Variants in SMIM35 observed in about 807,000 individuals in gnomAD.
SMIM35 encodes the protein TMPRSS4 antisense RNA 1 (non-protein coding).
chr11:118,043,278 ATT>A (rs35669917), intron 1 of SMIM35, among the ~76,000 whole-genome samples: 2,452 of 149,868 alleles, frequency 0.016, 23 homozygotes, highest in Non-Finnish European at 0.021. Context: ...TTGGTAAAAC[ATT>A]TTTTTTTTTT....
At chr11:118,069,610 G>C (rs1944538636) in intron 1 of SMIM35, among the ~76,000 whole-genome samples, 1 of 152,170 alleles carries the variant, frequency 6.6e-6, no homozygotes, top group Admixed American at 6.5e-5. Context: ...TACTGCCATG[G>C]CTTCAGCGTG....
chr11:118,080,821 C>G (rs138778962), intron 1 of SMIM35, among the ~76,000 whole-genome samples: 1 of 152,174 alleles, frequency 6.6e-6, no homozygotes, highest in Non-Finnish European at 1.5e-5. Context: ...AAAATCTCCA[C>G]GGCCTCAGAC....
chr11:118,025,500 G>T, intron 1 of SMIM35: 1 of 455,402 alleles, frequency 2.2e-6, no homozygotes, highest in Non-Finnish European at 4.4e-6. Context: ...GGCATGAGAT[G>T]GTATCTCACT....
intron 1 of SMIM35, among the ~76,000 whole-genome samples, chr11:118,083,897 C>T (rs957389069): frequency 2.0e-5 from 3 of 151,820 alleles, no homozygotes; most frequent in Admixed American, 6.6e-5. Context: ...ATTAGCTGGG[C>T]GGTGGTGGCA....
chr11:118,013,198 C>T (rs1042630831), intron 4 of SMIM35, among the ~76,000 whole-genome samples: 59 of 152,244 alleles, frequency 3.9e-4, no homozygotes, highest in Admixed American at 7.2e-4. Context: ...CTTGAAGATC[C>T]GAGGGGATGA....
At chr11:118,069,092 T>A (rs987486273) in intron 1 of SMIM35, among the ~76,000 whole-genome samples, 1 of 152,204 alleles carries the variant, frequency 6.6e-6, no homozygotes, top group Non-Finnish European at 1.5e-5. Context: ...CTATTCTGCA[T>A]CAGCAGCATC....
At chr11:118,067,860 C>CATATATAT (rs57497227) in intron 1 of SMIM35, among the ~76,000 whole-genome samples, 78 of 80,900 alleles carry the variant, frequency 9.6e-4, no homozygotes, top group South Asian at 1.6e-3. Context: ...CAACAACAAA[C>CATATATAT]ATATATATAT....
At chr11:118,047,159 C>T (rs1474006615) in intron 1 of SMIM35, among the ~76,000 whole-genome samples, 2 of 152,176 alleles carry the variant, frequency 1.3e-5, no homozygotes, top group Non-Finnish European at 2.9e-5. Context: ...AAATGACACA[C>T]ACTTTGTCCT....
intron 2 of SMIM35, among the ~76,000 whole-genome samples, chr11:118,015,373 C>A (rs1268000223): frequency 6.6e-6 from 1 of 152,162 alleles, no homozygotes; most frequent in Non-Finnish European, 1.5e-5. Context: ...TGGAGCTTGG[C>A]CTGTCTAGCC....
rs2058162005 is a variant in SMIM35 at position 118,013,765 on chromosome 11, A to G, written c.*16T>C. On this transcript the variant is annotated 3_prime_UTR_variant, in exon 4 of 5. Coordinates refer to ENST00000689828, the MANE Select transcript of SMIM35 (RefSeq NM_001394165.1). Reference sequence around the variant, plus strand: ...CAACTCACCTCCCCAGGGCTTCACAAGTTGCTGTCTCTGCATCAGACTAGC... The same window carrying G: ...CAACTCACCTCCCCAGGGCTTCACAGGTTGCTGTCTCTGCATCAGACTAGC... The G allele has an allele frequency of 1.0e-5, 4 of 399,000 alleles. No homozygotes were observed. The highest frequency in any genetic ancestry group is 8.8e-5 in the Admixed American group (2 of 22,730). 24.7% of individuals were successfully genotyped at this position (399,000 alleles called of 1,614,324 possible). A position where few individuals can be genotyped will look rare whatever the true frequency, so the allele number is the denominator to read the frequency against.
At chr11:118,024,541 C>T (rs570740620) in intron 1 of SMIM35, among the ~76,000 whole-genome samples, 3 of 151,486 alleles carry the variant, frequency 2.0e-5, no homozygotes, top group Admixed American at 6.6e-5. Flanking sequence ...GGTGTGATCT[C>T]GGCTCACTGC....
At chr11:118,056,238 C>T (rs943732056) in intron 1 of SMIM35, among the ~76,000 whole-genome samples, 1 of 152,042 alleles carries the variant, frequency 6.6e-6, no homozygotes, top group African/African-American at 2.4e-5. Flanking sequence ...CAGGCTAAGG[C>T]GGCCCTCCAG....
intron 1 of SMIM35, among the ~76,000 whole-genome samples, chr11:118,027,649 G>T (rs1404476474): frequency 1.3e-5 from 2 of 152,194 alleles, no homozygotes; most frequent in Non-Finnish European, 2.9e-5. Context: ...TTAGCAGTTA[G>T]ATAACCATAT....
intron 1 of SMIM35, among the ~76,000 whole-genome samples, chr11:118,058,151 C>T (rs981391274): frequency 6.6e-6 from 1 of 152,090 alleles, no homozygotes; most frequent in South Asian, 2.1e-4. Flanking sequence ...GTCTCAGGTC[C>T]CCGTGGCCTG....
rs1466346078 is a variant in SMIM35 at position 118,005,041 on chromosome 11, C to T, written c.*1369G>A. The T allele has an allele frequency of 6.6e-6, 1 of 152,202 alleles. No individual in the cohort carries two copies. Among genetic ancestry groups the T allele is most frequent in the Admixed American group, 6.5e-5 (1 of 15,278 alleles). 9.4% of individuals were successfully genotyped at this position (152,202 alleles called of 1,614,324 possible). On this transcript the variant is annotated 3_prime_UTR_variant, in exon 5 of 5. Transcript: ENST00000689828. ...GACCTCACAGTGACCCTGGAGAGAA[C>T]AGGAACATTCTTCAGAATCCTACTA...
At chr11:118,066,358 T>A (rs190969042) in intron 1 of SMIM35, among the ~76,000 whole-genome samples, 129 of 152,220 alleles carry the variant, frequency 8.5e-4, no homozygotes, top group African/African-American at 3.0e-3. Flanking sequence ...CCTGGACCGC[T>A]GCATGAGTTC....
At chr11:118,082,969 G>A (rs988195765) in intron 1 of SMIM35, among the ~76,000 whole-genome samples, 8 of 152,132 alleles carry the variant, frequency 5.3e-5, no homozygotes, top group African/African-American at 1.9e-4. Context: ...CAGAATCCTC[G>A]TATGGGACAC....
chr11:118,019,686 C>T (rs1279660599), intron 1 of SMIM35, among the ~76,000 whole-genome samples: 1 of 152,054 alleles, frequency 6.6e-6, no homozygotes, highest in African/African-American at 2.4e-5. Context: ...GAGACATACT[C>T]CTTATTTTTT....
At chr11:118,045,806 A>T (rs1465265910) in intron 1 of SMIM35, among the ~76,000 whole-genome samples, 1 of 152,188 alleles carries the variant, frequency 6.6e-6, no homozygotes, top group Non-Finnish European at 1.5e-5. Flanking sequence ...TTTCAGGCAG[A>T]TCTTTTTAAC....
Sources: gnomAD v4.1 joint callset for allele counts (sites outside exome capture counted in the v4.1 genomes callset) on GRCh38, gnomAD v4.1.1 for gene constraint, MANE v1.5 for transcripts, NCBI Gene and HGNC (gene_info 2026-07-23, HGNC 2026-07-21) for gene names.